The following PCDH9 variants were observed in gnomAD, a reference collection of about 807,000 sequenced individuals.
PCDH9 encodes protocadherin 9.
A neutral mutation model predicts 70.6 loss-of-function variants in PCDH9; 24 were observed. That is an observed-to-expected ratio of 0.34 (90% CI 0.25 to 0.48). The LOEUF (loss-of-function observed/expected upper bound fraction) is 0.48, where lower values mean the gene tolerates loss of function less well. Among genes scored for constraint, PCDH9 ranks in the 20% least tolerant of loss-of-function variants. PCDH9 has a pLI of 0.99. For missense variants in PCDH9, 1,281 were observed against 1,503.6 expected (o/e 0.85, Z 2.45); for synonymous variants, 562 against 558.5 (o/e 1.01, Z -0.09).
chr13:67,088,270 A>C (rs781337159), intron 2 of PCDH9, among the ~76,000 whole-genome samples: 3 of 151,982 alleles, frequency 2.0e-5, no homozygotes, highest in Non-Finnish European at 4.4e-5. Flanking sequence ...ATTGTGATTT[A>C]GTTTTACCCA....
chr13:66,723,116 TA>T (rs1389607110), intron 3 of PCDH9, among the ~76,000 whole-genome samples: 1 of 152,140 alleles, frequency 6.6e-6, no homozygotes, highest in Admixed American at 6.5e-5. Flanking sequence ...TTGGCTTGAG[TA>T]AGTTAGCATT....
At chr13:66,664,879 C>T (rs74999633) in intron 3 of PCDH9, among the ~76,000 whole-genome samples, 143 of 152,164 alleles carry the variant, frequency 9.4e-4, no homozygotes, top group African/African-American at 3.2e-3. Context: ...TACCCTACCC[C>T]CAGTCTCCCT....
At chr13:66,675,831 T>C (rs2078235308) in intron 3 of PCDH9, among the ~76,000 whole-genome samples, 1 of 152,184 alleles carries the variant, frequency 6.6e-6, no homozygotes, top group South Asian at 2.1e-4. Flanking sequence ...CAAGAAATCT[T>C]GCTCTTGTGC....
At chr13:67,190,127 G>T (rs2088870019) in intron 2 of PCDH9, among the ~76,000 whole-genome samples, 1 of 151,878 alleles carries the variant, frequency 6.6e-6, no homozygotes, top group Non-Finnish European at 1.5e-5. Flanking sequence ...AATATGCAAA[G>T]AATCTTAGAA....
intron 3 of PCDH9, among the ~76,000 whole-genome samples, chr13:66,871,123 T>C (rs1159377480): frequency 6.6e-6 from 1 of 150,772 alleles, no homozygotes; most frequent in Non-Finnish European, 1.5e-5. Flanking sequence ...TCATTCTCAG[T>C]AAACTATCGC....
intron 3 of PCDH9, among the ~76,000 whole-genome samples, chr13:66,720,536 A>AC (rs2078929084): frequency 6.6e-6 from 1 of 152,044 alleles, no homozygotes; most frequent in Non-Finnish European, 1.5e-5. Flanking sequence ...ATTTTGATAT[A>AC]CAGTACCAGT....
At chr13:66,663,711 T>C (rs1193150245) in intron 3 of PCDH9, among the ~76,000 whole-genome samples, 1 of 152,206 alleles carries the variant, frequency 6.6e-6, no homozygotes, top group Non-Finnish European at 1.5e-5. Context: ...AAAATCGAAA[T>C]ATCCTAAGTC....
rs182545416 is a variant in PCDH9, at chr13:66,965,625, C to T, written c.3037-62020G>A. Among the ~76,000 whole-genome samples, 621 of 152,114 alleles carry T rather than the reference C, an allele frequency of 4.1e-3. 2 individuals are homozygous for T. Among genetic ancestry groups the T allele is most frequent in the African/African-American group, 0.014 (573 of 41,526 alleles). ...TTTTTTCCCTCCGTCGGGGCCATCA[C>T]ATCTTAGATCAGAATTTTATTATTA... is the stretch of plus-strand genomic sequence containing the variant. On this transcript the variant is annotated intron_variant, in intron 2 of 4. Coordinates refer to ENST00000377865, the MANE Select transcript of PCDH9 (RefSeq NM_203487.3).
At chr13:66,925,235 T>C (rs2082698354) in intron 2 of PCDH9, among the ~76,000 whole-genome samples, 1 of 151,918 alleles carries the variant, frequency 6.6e-6, no homozygotes, top group Non-Finnish European at 1.5e-5. Flanking sequence ...ATATTCTTTG[T>C]TCAAGCCATT....
chr13:66,643,570 A>G (rs950876431), intron 3 of PCDH9, among the ~76,000 whole-genome samples: 17 of 152,050 alleles, frequency 1.1e-4, no homozygotes, highest in Non-Finnish European at 2.4e-4. Flanking sequence ...TTTGTGCACT[A>G]AGGATAATTT....
chr13:66,368,765 A>G (rs1292497650), intron 4 of PCDH9, among the ~76,000 whole-genome samples: 3 of 152,206 alleles, frequency 2.0e-5, no homozygotes, highest in Admixed American at 2.0e-4. Flanking sequence ...AGAGTTCCAC[A>G]TGGCTGGGAG....
intron 3 of PCDH9, among the ~76,000 whole-genome samples, chr13:66,758,226 A>G (rs1726510276): frequency 1.3e-5 from 2 of 151,992 alleles, no homozygotes; most frequent in Non-Finnish European, 2.9e-5. Flanking sequence ...CTCCTTTTGC[A>G]TTTTTCAATA....
intron 4 of PCDH9, among the ~76,000 whole-genome samples, chr13:66,447,006 A>G (rs939392491): frequency 3.3e-5 from 5 of 152,180 alleles, no homozygotes; most frequent in African/African-American, 2.4e-5. Flanking sequence ...TAGCTTGTTC[A>G]TAAGTTTAGG....
At chr13:67,168,529 C>T (rs1927818) in intron 2 of PCDH9, among the ~76,000 whole-genome samples, 24,058 of 151,786 alleles carry the variant, frequency 0.16, 2,033 homozygotes, top group East Asian at 0.21. Context: ...GAGTTCAACG[C>T]CAGCCTGGGC....
At chr13:66,810,003 A>G (rs936426517) in intron 3 of PCDH9, among the ~76,000 whole-genome samples, 2 of 152,172 alleles carry the variant, frequency 1.3e-5, no homozygotes, top group African/African-American at 4.8e-5. Context: ...TGAAATGCTC[A>G]GAGAAAAAAA....
At chr13:67,155,194 C>T (rs923971637) in intron 2 of PCDH9, among the ~76,000 whole-genome samples, 1 of 152,186 alleles carries the variant, frequency 6.6e-6, no homozygotes, top group African/African-American at 2.4e-5. Flanking sequence ...CTAAAACTGT[C>T]TGGAACTGAA....
At chr13:66,487,689 C>T (rs943117991) in intron 4 of PCDH9, among the ~76,000 whole-genome samples, 5 of 152,138 alleles carry the variant, frequency 3.3e-5, no homozygotes, top group African/African-American at 4.8e-5. Flanking sequence ...AATGAGCTAC[C>T]ACTTCAAATC....
At position 66,559,829 on chromosome 13, in the gene PCDH9, T is replaced by TACAC. The variant is rs1269887462; in HGVS notation, c.3340+71380_3340+71381insGTGT. ...AAAAAAAAAAAAAAATATATATATA[T>TACAC]ATATACACACACACACACACACACA... On this transcript the variant is annotated intron_variant, in intron 4 of 4. Coordinates refer to ENST00000377865, the MANE Select transcript of PCDH9 (RefSeq NM_203487.3). Among the ~76,000 whole-genome samples, 46 of 122,684 alleles carry TACAC rather than the reference T, an allele frequency of 3.7e-4. 1 individual carries two copies. Among genetic ancestry groups the TACAC allele is most frequent in the East Asian group, 3.7e-3 (14 of 3,780 alleles). The allele number at this position is 122,684 out of a possible 152,430, so 80.5% of individuals were successfully genotyped here.
chr13:66,617,510 C>T (rs541646091), intron 4 of PCDH9, among the ~76,000 whole-genome samples: 4 of 152,290 alleles, frequency 2.6e-5, no homozygotes. Flanking sequence ...CAGATGCATC[C>T]TCCAAACTGG....
Sources: allele counts gnomAD v4.1 joint callset (sites outside exome capture counted in the v4.1 genomes callset), GRCh38; gene constraint gnomAD v4.1.1; transcripts MANE v1.5; gene names NCBI Gene and HGNC (gene_info 2026-07-23, HGNC 2026-07-21).